Variants in ZFPM2 observed in about 807,000 individuals in gnomAD.
ZFPM2 encodes the protein zinc finger protein, FOG family member 2, also known as zinc finger protein ZFPM2.
A neutral mutation model predicts 98.6 loss-of-function variants in ZFPM2; 20 were observed. The ratio of observed to expected loss-of-function variants is 0.20; its 90% CI spans 0.14 to 0.29. The LOEUF (loss-of-function observed/expected upper bound fraction) is 0.29. Ranked by LOEUF, ZFPM2 falls within the 10% of genes least tolerant of loss-of-function variation. ZFPM2 has a pLI of 1.00. For synonymous variants in ZFPM2, 518 were observed against 502.7 expected, an observed-to-expected ratio of 1.03 and a Z score of -0.41; for missense variants, 1,310 against 1,388.6, an observed-to-expected ratio of 0.94 and a Z score of 0.90.
At chr8:105,574,179 G>A (rs1815414357) in intron 4 of ZFPM2, among the ~76,000 whole-genome samples, 1 of 152,096 alleles carries the variant, frequency 6.6e-6, no homozygotes, top group Non-Finnish European at 1.5e-5. Context: ...TCATATACGT[G>A]TACTCACACG....
chr8:105,723,400 G>A (rs1156951076), intron 5 of ZFPM2, among the ~76,000 whole-genome samples: 1 of 151,748 alleles, frequency 6.6e-6, no homozygotes, highest in African/African-American at 2.4e-5. Context: ...TTTCCATACA[G>A]TACCATGTGA....
chr8:105,794,948 G>T (rs532967294), intron 6 of ZFPM2, among the ~76,000 whole-genome samples: 1 of 152,106 alleles, frequency 6.6e-6, no homozygotes, highest in Non-Finnish European at 1.5e-5. Context: ...CGCAGTATTC[G>T]GGTGGGAGTG....
intron 5 of ZFPM2, among the ~76,000 whole-genome samples, chr8:105,749,686 A>G (rs1248290726): frequency 2.0e-5 from 3 of 151,930 alleles, no homozygotes; most frequent in African/African-American, 7.3e-5. Flanking sequence ...GGAAGAGAGT[A>G]AGATAAAAGA....
At chr8:105,685,779 A>C (rs964875020) in intron 5 of ZFPM2, 8 of 152,066 alleles carry the variant, frequency 5.3e-5, no homozygotes, top group African/African-American at 1.9e-4. Context: ...AACTTGATTT[A>C]TTTTTGGAAG....
intron 3 of ZFPM2, among the ~76,000 whole-genome samples, chr8:105,494,207 A>G (rs1813414721): frequency 7.4e-6 from 1 of 135,474 alleles, no homozygotes; most frequent in South Asian, 2.4e-4. Context: ...ATATATATAT[A>G]TATATATATA....
intron 4 of ZFPM2, among the ~76,000 whole-genome samples, chr8:105,610,810 G>A (rs192663488): frequency 5.4e-4 from 82 of 152,292 alleles, no homozygotes; most frequent in Middle Eastern, 3.4e-3. Context: ...CTCACCTGGA[G>A]AGACAGATTT....
At chr8:105,518,773 T>C (rs1813990492) in intron 3 of ZFPM2, among the ~76,000 whole-genome samples, 1 of 152,246 alleles carries the variant, frequency 6.6e-6, no homozygotes, top group Non-Finnish European at 1.5e-5. Context: ...AAACCATTTT[T>C]GACTTCTACA....
chr8:105,634,409 T>C, intron 5 of ZFPM2, 52 bp downstream of exon 5: 2 of 1,384,482 alleles, frequency 1.4e-6, no homozygotes, highest in Non-Finnish European at 2.0e-6. Flanking sequence ...AACCTGAGCA[T>C]TGCAAAACAG....
chr8:105,321,569 A>G (rs1010924552), intron 1 of ZFPM2, among the ~76,000 whole-genome samples: 1 of 152,200 alleles, frequency 6.6e-6, no homozygotes, highest in African/African-American at 2.4e-5. Context: ...AAGACAGTCA[A>G]TTTAAAGGAC....
intron 4 of ZFPM2, among the ~76,000 whole-genome samples, chr8:105,612,363 G>A (rs1816324541): frequency 6.6e-6 from 1 of 150,804 alleles, no homozygotes; most frequent in Non-Finnish European, 1.5e-5. Context: ...GGATTAAAAT[G>A]AAAACGTCCA....
Position 105,723,601 on chromosome 8 carries a change from A to G in ZFPM2, c.533-65117A>G, listed in dbSNP as rs546118489. Among the ~76,000 whole-genome samples, 3 of 151,934 alleles carry G rather than the reference A, an allele frequency of 2.0e-5. No individual in the cohort carries two copies. The East Asian group carries it at 5.9e-4, about 30-fold the overall frequency. On this transcript the variant is annotated intron_variant, in intron 5 of 7. Coordinates refer to ENST00000407775, the MANE Select transcript of ZFPM2 (RefSeq NM_012082.4). The stretch of plus-strand genomic sequence containing the variant: ...CAGGGACAAAGCATTCGTGAAACCA[A>G]TCCAGAAAAAAAGGGTTCTCATTGT...
rs932233394 is a variant in ZFPM2 at position 105,764,539 on chromosome 8, G to GA, written c.533-24170dup. On this transcript the variant is annotated intron_variant, in intron 5 of 7. Coordinates refer to ENST00000407775, the MANE Select transcript of ZFPM2 (RefSeq NM_012082.4). ...TTATTTAGTCAGTGTTTTCTTTTTA[G>GA]AAAAAAAAATCTTCCATGGATTCAA... Among the ~76,000 whole-genome samples the GA allele has an allele frequency of 6.7e-5, 10 of 148,790 alleles. No individual in the cohort carries two copies. The East Asian group carries it at 1.4e-3, about 21-fold the overall frequency.
chr8:105,334,162 T>TG (rs1812285135), intron 1 of ZFPM2, among the ~76,000 whole-genome samples: 2 of 105,758 alleles, frequency 1.9e-5, no homozygotes, highest in African/African-American at 4.6e-5. Context: ...GTGTGTGTGG[T>TG]GGGGGGAGGG....
chr8:105,620,663 A>G (rs927154787), intron 4 of ZFPM2, among the ~76,000 whole-genome samples: 1 of 152,112 alleles, frequency 6.6e-6, no homozygotes, highest in African/African-American at 2.4e-5. Flanking sequence ...TTATGGTTTT[A>G]GGTCTAACAT....
chr8:105,590,016 G>A (rs559680879), intron 4 of ZFPM2, among the ~76,000 whole-genome samples: 12 of 152,214 alleles, frequency 7.9e-5, no homozygotes, highest in East Asian at 1.9e-4. Flanking sequence ...CACTGCTCCC[G>A]GCTTCTTTAA....
intron 4 of ZFPM2, among the ~76,000 whole-genome samples, chr8:105,597,064 T>G (rs1439893967): frequency 6.6e-6 from 1 of 152,028 alleles, no homozygotes; most frequent in Non-Finnish European, 1.5e-5. Flanking sequence ...ACAGCTGCAT[T>G]CTTACTGTTA....
At position 105,653,854 on chromosome 8, in the gene ZFPM2, C is replaced by CTTTTTTTTTTTTTTTTTTTT. The variant is rs60218363; in HGVS notation, c.532+19511_532+19530dup. Among the ~76,000 whole-genome samples the CTTTTTTTTTTTTTTTTTTTT allele has an allele frequency of 8.5e-4, 30 of 35,286 alleles. 6 individuals carry two copies. Among genetic ancestry groups the CTTTTTTTTTTTTTTTTTTTT allele is most frequent in the Non-Finnish European group, 1.3e-3 (26 of 20,362 alleles). 23.1% of individuals were successfully genotyped at this position (35,286 alleles called of 152,430 possible). ...CTTTATACAACAGCTTGTGTGCTAT[C>CTTTTTTTTTTTTTTTTTTTT]TTTTTTTTTTTTTTTTTTTTTTTTT... is the stretch of plus-strand genomic sequence containing the variant. On this transcript the variant is annotated intron_variant, in intron 5 of 7. Coordinates refer to ENST00000407775, the MANE Select transcript of ZFPM2 (RefSeq NM_012082.4).
intron 1 of ZFPM2, among the ~76,000 whole-genome samples, chr8:105,332,904 A>G (rs1236910566): frequency 2.0e-5 from 3 of 151,744 alleles, no homozygotes; most frequent in Non-Finnish European, 3.0e-5. Flanking sequence ...GTGACAGAGC[A>G]TGCATCTTGA....
chr8:105,419,930 C>G (rs2130084042), intron 2 of ZFPM2, among the ~76,000 whole-genome samples: 1 of 152,076 alleles, frequency 6.6e-6, no homozygotes, highest in Middle Eastern at 3.4e-3. Flanking sequence ...TGACTGTGTT[C>G]TCATGGAGCA....
Sources: allele counts gnomAD v4.1 joint callset (sites outside exome capture counted in the v4.1 genomes callset), GRCh38; gene constraint gnomAD v4.1.1; transcripts MANE v1.5; gene names NCBI Gene and HGNC (gene_info 2026-07-23, HGNC 2026-07-21).